The following BRD1 variants were observed in gnomAD, a reference collection of about 807,000 sequenced individuals.
The protein encoded by BRD1 is bromodomain containing 1, also known as bromodomain-containing protein 1.
In BRD1, 24 loss-of-function variants were observed where a neutral mutation model predicts 107.7. The observed-to-expected ratio is 0.22, with a 90% CI of 0.16 to 0.31. BRD1 has a LOEUF of 0.31. Among genes scored for constraint, BRD1 ranks in the 10% least tolerant of loss-of-function variants. BRD1 has a pLI of 1.00. For missense variants in BRD1, 1,279 were observed against 1,638.6 expected (o/e 0.78, Z 3.79); for synonymous variants, 744 against 686.1 (o/e 1.08, Z -1.32).
rs1374144527 is a variant in BRD1, at chr22:49,774,547, G to T, written c.3387-131C>A. On this transcript the variant is annotated intron_variant, in intron 12 of 12. Transcript: ENST00000404760. ...CCTGCTCAGCACCACCAAGACAGCT[G>T]GGCCCCGTGCAGGGACAGGCCCGAG... is the stretch of plus-strand genomic sequence containing the variant. The T allele has an allele frequency of 4.7e-5, 49 of 1,045,342 alleles. No homozygotes were observed. The South Asian group carries it at 7.3e-4, about 16-fold the overall frequency. The allele number at this position is 1,045,342 out of a possible 1,614,324, so 64.8% of individuals were successfully genotyped here.
intron 8 of BRD1, among the ~76,000 whole-genome samples, chr22:49,784,276 G>A (rs1234074398): frequency 2.6e-4 from 37 of 142,248 alleles, no homozygotes; most frequent in African/African-American, 7.9e-4. Flanking sequence ...GGAGACTCGC[G>A]GCAGGGGTCT....
chr22:49,799,426 G>A (rs2059599484), intron 3 of BRD1, among the ~76,000 whole-genome samples: 1 of 152,232 alleles, frequency 6.6e-6, no homozygotes, highest in South Asian at 2.1e-4. Flanking sequence ...GGCGGCGGGG[G>A]GGGCCTTCAC....
intron 2 of BRD1, among the ~76,000 whole-genome samples, chr22:49,809,280 G>A (rs1294865514): frequency 6.6e-6 from 1 of 151,958 alleles, no homozygotes; most frequent in South Asian, 2.1e-4. Flanking sequence ...AGTGGCTCAC[G>A]CCTGTAATCC....
At chr22:49,819,157 G>A (rs2060014147) in intron 2 of BRD1, among the ~76,000 whole-genome samples, 1 of 152,144 alleles carries the variant, frequency 6.6e-6, no homozygotes, top group Non-Finnish European at 1.5e-5. Context: ...CTACTCGGGA[G>A]GCTGAGGAAC....
intron 12 of BRD1, among the ~76,000 whole-genome samples, chr22:49,775,065 G>A (rs1015455604): frequency 2.6e-5 from 4 of 152,194 alleles, no homozygotes; most frequent in Non-Finnish European, 4.4e-5. Flanking sequence ...CTGCACAGAG[G>A]GATCTTGGGG....
intron 10 of BRD1, 81 bp downstream of exon 10, chr22:49,776,953 G>T: frequency 6.3e-7 from 1 of 1,579,210 alleles, no homozygotes. Flanking sequence ...CCCTGAGCCG[G>T]AGTCCAGTCC....
rs2059357700 is a variant in BRD1 at position 49,787,668 on chromosome 22, C to T, written c.2579G>A (p.Gly860Asp). Residue 860 changes from glycine (G) to aspartate (D), a missense_variant, in exon 8 of 13, where the codon GGC (glycine) becomes GAC (aspartate). Physicochemically the swap from Gly to Asp is moderately conservative, Grantham distance 94. Transcript: ENST00000404760. Reference protein sequence around the residue: ...RPPEPTRASSGDVPAAAASAV... With the variant: ...RPPEPTRASSDDVPAAAASAV... ...GGAGGCCGCCGCCGCCGGCACATCG[C>T]CACTACTGGCGCGGGTGGGCTCTGG... 2.6e-6 allele frequency: 4 copies of T among 1,550,528 alleles called. No homozygotes were observed. In the South Asian group the frequency reaches 4.8e-5, roughly 18 times the overall value.
intron 2 of BRD1, among the ~76,000 whole-genome samples, chr22:49,804,652 C>G (rs990533881): frequency 1.1e-4 from 17 of 152,110 alleles, no homozygotes; most frequent in African/African-American, 3.9e-4. Flanking sequence ...AGTTTGAGAC[C>G]AGCCTGGCCA....
intron 2 of BRD1, among the ~76,000 whole-genome samples, chr22:49,821,668 T>C (rs2060068972): frequency 6.6e-6 from 1 of 151,968 alleles, no homozygotes; most frequent in Non-Finnish European, 1.5e-5. Context: ...AGTAGCACAA[T>C]CTTAGCTCAC....
chr22:49,798,839 T>C (rs1054468015), intron 4 of BRD1, 149 bp downstream of exon 4: 18 of 1,433,372 alleles, frequency 1.3e-5, no homozygotes, highest in South Asian at 5.8e-5. Flanking sequence ...CTGCAACCCA[T>C]GGCAGCCAGG....
At chr22:49,793,780 T>C (rs1009448321) in intron 7 of BRD1, among the ~76,000 whole-genome samples, 3 of 152,266 alleles carry the variant, frequency 2.0e-5, no homozygotes, top group Non-Finnish European at 4.4e-5. Flanking sequence ...AAAATTTTAT[T>C]CTGTGCCTTA....
chr22:49,794,371 A>C, intron 6 of BRD1, 77 bp from the exon 7 acceptor site: 1 of 1,527,524 alleles, frequency 6.5e-7, no homozygotes, highest in South Asian at 1.3e-5. Flanking sequence ...CCCGTCTTTC[A>C]AATCACCTTC....
chr22:49,776,131 G>T lies in BRD1; in HGVS notation c.3150C>A (p.Ser1050=). ...AEVGQSSMWI[S]TDAAASVLEP... ...CCAGCACCGAGGCGGCGGCATCAGT[G>T]GAGATCCACATGCTGCTCTGGCCGA... is the stretch of plus-strand genomic sequence containing the variant. The change falls in exon 11 of 13, where the codon TCC becomes TCA. Residue 1050 remains serine, a synonymous_variant. Transcript: ENST00000404760. 2 of 1,606,178 alleles carry T rather than the reference G, an allele frequency of 1.2e-6. No individual in the cohort carries two copies. The highest frequency in any genetic ancestry group is 1.7e-6 in the Non-Finnish European group (2 of 1,179,746).
At chr22:49,819,167 C>T (rs752580603) in intron 2 of BRD1, among the ~76,000 whole-genome samples, 3 of 151,122 alleles carry the variant, frequency 2.0e-5, no homozygotes, top group Non-Finnish European at 4.4e-5. Context: ...GGCTGAGGAA[C>T]GAGGATCGCT....
In BRD1 at chr22:49,814,286, G is replaced by A. The variant is rs532406617; in HGVS notation, c.1367+8665C>T. Among the ~76,000 whole-genome samples the A allele has an allele frequency of 1.4e-4, 21 of 152,324 alleles. No homozygotes were observed. The East Asian group carries it at 2.5e-3, about 18-fold the overall frequency. On this transcript the variant is annotated intron_variant, in intron 2 of 12. Coordinates refer to ENST00000404760, the MANE Select transcript of BRD1 (RefSeq NM_001304808.3). ...GTGCACAGGCAGGGCAGGAGCCCCC[G>A]GTGCAGGCCCAGAACCCTGGCATGA...
intron 7 of BRD1, among the ~76,000 whole-genome samples, chr22:49,789,417 G>C (rs962133878): frequency 6.6e-6 from 1 of 152,184 alleles, no homozygotes; most frequent in Non-Finnish European, 1.5e-5. Flanking sequence ...GCAGCGTCCT[G>C]ACGCAGCTGG....
At chr22:49,793,978 T>TGCCTGA (rs1212353521) in intron 7 of BRD1, 56 bp downstream of exon 7, 25 of 1,566,434 alleles carry the variant, frequency 1.6e-5, no homozygotes, top group South Asian at 4.8e-5. Flanking sequence ...CCTGTGCCTG[T>TGCCTGA]GCCTGAGCCT....
In BRD1 at chr22:49,777,792, C is replaced by G. The variant is rs933085584; in HGVS notation, c.2879G>C (p.Gly960Ala). ...GCCCGGCTCCTGCTCGCTCCTCGCACCCCCAAAGCCGTTGGTGAGACCTGG... is the reference window on the plus strand; with the variant it reads ...GCCCGGCTCCTGCTCGCTCCTCGCAGCCCCAAAGCCGTTGGTGAGACCTGG... ...LDAGLTNGFG[G>A]ARSEQEPGGG... Residue 960 changes from glycine (G) to alanine (A), a missense_variant, in exon 9 of 13, where the codon GGT (glycine) becomes GCT (alanine). Physicochemically the swap from Gly to Ala is moderately conservative, Grantham distance 60 (BLOSUM62 0). Around this residue, in one of 7 missense-constraint regions of BRD1, gnomAD observed 263 missense variants for 251.6 expected, o/e 1.05. Transcript: ENST00000404760. 1 of 1,602,382 alleles carries G rather than the reference C, an allele frequency of 6.2e-7. No individual in the cohort carries two copies. Among genetic ancestry groups the G allele is most frequent in the Admixed American group, 1.7e-5 (1 of 59,686 alleles).
At chr22:49,796,571 C>T (rs891218648) in intron 6 of BRD1, among the ~76,000 whole-genome samples, 2 of 151,500 alleles carry the variant, frequency 1.3e-5, no homozygotes, top group African/African-American at 2.4e-5. Context: ...TTGGCCAGGC[C>T]GGTCTCAATC....
Sources: allele counts gnomAD v4.1 joint callset (sites outside exome capture counted in the v4.1 genomes callset), GRCh38; gene constraint gnomAD v4.1.1; regional missense constraint gnomAD v4.1.1; transcripts MANE v1.5; gene names NCBI Gene and HGNC (gene_info 2026-07-23, HGNC 2026-07-21).